Variants in FBLN7 observed in about 807,000 individuals in gnomAD.
FBLN7 encodes fibulin-7.
FBLN7 carries 31 observed loss-of-function variants against 44.0 expected under a neutral mutation model. That is an observed-to-expected ratio of 0.70 (90% CI 0.53 to 0.95). The LOEUF is 0.95. Ranked by LOEUF, FBLN7 falls within the 40% of genes least tolerant of loss-of-function variation. FBLN7 has a pLI of 0.00. For missense variants in FBLN7, 573 were observed against 618.5 expected (o/e 0.93, Z 0.78); for synonymous variants, 262 against 253.4 (o/e 1.03, Z -0.32).
the FBLN7 span, among the ~76,000 whole-genome samples, chr2:112,196,279 G>A: frequency 3.3e-5 from 5 of 151,550 alleles, no homozygotes; most frequent in Admixed American, 3.3e-4. Context: ...CTCTATCATT[G>A]ATGGGGAGAT....
At chr2:112,170,309 T>C (rs1176067400) in intron 3 of FBLN7, among the ~76,000 whole-genome samples, 2 of 151,146 alleles carry the variant, frequency 1.3e-5, no homozygotes, top group Non-Finnish European at 2.9e-5. Flanking sequence ...AGTGGATCAC[T>C]TGAGGTCAGG....
the FBLN7 span, among the ~76,000 whole-genome samples, chr2:112,194,198 A>G: frequency 9.2e-5 from 14 of 152,308 alleles, no homozygotes; most frequent in African/African-American, 3.4e-4. Flanking sequence ...TGGGCTCTCC[A>G]TGTGGCTTAG....
rs539876520 is a variant in FBLN7, at chr2:112,147,889, T to TG, written c.75+9165dup. The stretch of plus-strand genomic sequence containing the variant: ...TAGCATCATGATCCCGGGTCGTAGG[T>TG]GGGGGGTCTGCTGTGGCCAAAAAGA... On this transcript the variant is annotated intron_variant, in intron 1 of 7. Transcript: ENST00000331203. Among the ~76,000 whole-genome samples the TG allele has an allele frequency of 3.4e-3, 515 of 151,982 alleles. 1 individual carries two copies. The highest frequency in any genetic ancestry group is 6.9e-3 in the African/African-American group (287 of 41,438).
rs148298823 is a variant in FBLN7 at position 112,159,789 on chromosome 2, C to A, written c.189C>A (p.Ala63=). The A allele has an allele frequency of 2.5e-3, 3,939 of 1,595,406 alleles. 13 individuals carry two copies. Among genetic ancestry groups the A allele is most frequent in the Non-Finnish European group, 3.1e-3 (3,608 of 1,171,776 alleles). ...EGIRHMKSRL[A]ALQNSVGRVG... ...TCCGCCACATGAAGAGCCGGCTGGC[C>A]GCGCTGCAGAACTCTGTGGGCAGGG... The change falls in exon 2 of 8, where the codon GCC becomes GCA. Residue 63 remains alanine, a synonymous_variant. Transcript: ENST00000331203.
At chr2:112,194,805 G>A in the FBLN7 span, among the ~76,000 whole-genome samples, 3 of 152,176 alleles carry the variant, frequency 2.0e-5, no homozygotes, top group African/African-American at 7.2e-5. Flanking sequence ...TCCTTTGCAT[G>A]CATTCTTTTG....
At chr2:112,140,080 G>T in intron 1 of FBLN7, among the ~76,000 whole-genome samples, 1 of 100,502 alleles carries the variant, frequency 1.0e-5, no homozygotes, top group African/African-American at 4.2e-5. Flanking sequence ...CGTCCCTCCC[G>T]CCTCTCTCCA....
intron 1 of FBLN7, among the ~76,000 whole-genome samples, chr2:112,154,339 T>A (rs1681309564): frequency 6.6e-6 from 1 of 152,120 alleles, no homozygotes; most frequent in South Asian, 2.1e-4. Flanking sequence ...AGAAAAAGAT[T>A]TAAAACGGGG....
At chr2:112,217,687 G>A in the FBLN7 span, among the ~76,000 whole-genome samples, 3 of 152,142 alleles carry the variant, frequency 2.0e-5, no homozygotes, top group South Asian at 6.2e-4. Flanking sequence ...TTAGGTACAG[G>A]AAAGCTTTCA....
the FBLN7 span, chr2:112,215,880 A>T: frequency 6.6e-6 from 1 of 152,250 alleles, no homozygotes; most frequent in African/African-American, 2.4e-5. Flanking sequence ...TGGTATAGTA[A>T]GAGATATTGT....
the FBLN7 span, among the ~76,000 whole-genome samples, chr2:112,216,949 T>G: frequency 6.6e-6 from 1 of 152,164 alleles, no homozygotes; most frequent in Admixed American, 6.5e-5. Flanking sequence ...AAACATTTGG[T>G]AATTTCAACA....
intron 2 of FBLN7, among the ~76,000 whole-genome samples, chr2:112,163,682 G>A (rs867282860): frequency 6.6e-5 from 10 of 150,928 alleles, no homozygotes; most frequent in African/African-American, 1.2e-4. Context: ...CCTCTTGTAC[G>A]GGCACTTCAC....
At chr2:112,189,929 G>A (rs1210832438), downstream of FBLN7, 1 of 152,128 alleles carries the variant, frequency 6.6e-6, no homozygotes, top group Non-Finnish European at 1.5e-5. Context: ...ATTTCTCTGA[G>A]TGGCTTATAT....
intron 2 of FBLN7, among the ~76,000 whole-genome samples, chr2:112,162,826 G>A (rs755455893): frequency 6.6e-6 from 1 of 152,004 alleles, no homozygotes; most frequent in Non-Finnish European, 1.5e-5. Flanking sequence ...TTCTTTTGTC[G>A]AGGTTTTTAA....
the FBLN7 span, among the ~76,000 whole-genome samples, chr2:112,218,930 AAC>A: frequency 6.6e-6 from 1 of 152,316 alleles, no homozygotes; most frequent in East Asian, 1.9e-4. Context: ...GAAACTATAA[AAC>A]ACTGCTGAAA....
chr2:112,240,816 T>C, the FBLN7 span, among the ~76,000 whole-genome samples: 1 of 152,228 alleles, frequency 6.6e-6, no homozygotes, highest in African/African-American at 2.4e-5. Context: ...TTGTTTTTTG[T>C]ATAATTTAAA....
Position 112,175,824 on chromosome 2 carries a change from C to T in FBLN7, c.517C>T (p.His173Tyr), listed in dbSNP as rs1170863006. 5 of 1,613,978 alleles carry T rather than the reference C, an allele frequency of 3.1e-6. No individual in the cohort carries two copies. Among genetic ancestry groups the T allele is most frequent in the African/African-American group, 1.3e-5 (1 of 74,930 alleles). ...AGGAAGGACTGGGAACCGCTGTCAG[C>T]ATCAGGCCCAGACTGGTATGTAGCC... is the stretch of plus-strand genomic sequence containing the variant. ...PPGRTGNRCQHQAQTAAPEGS... is the reference protein window; with the variant it reads ...PPGRTGNRCQYQAQTAAPEGS... The change falls in exon 4 of 8, where the codon CAT becomes TAT. Residue 173 changes from histidine (H) to tyrosine (Y), a missense_variant. Coordinates refer to ENST00000331203, the MANE Select transcript of FBLN7 (RefSeq NM_153214.3).
At chr2:112,201,053 G>C in the FBLN7 span, among the ~76,000 whole-genome samples, 1 of 152,172 alleles carries the variant, frequency 6.6e-6, no homozygotes, top group Non-Finnish European at 1.5e-5. Flanking sequence ...GAATGTCAGG[G>C]AGGACAATTT....
chr2:112,181,744 C>A lies in FBLN7; in HGVS notation c.538C>A (p.Pro180Thr). ...AGCGTGTCTTCTCCCCGCAGCCGCC[C>A]CCGAGGGCAGCGTGGCCGGCGACTC... Reference protein sequence around the residue: ...RCQHQAQTAAPEGSVAGDSAF... With the variant: ...RCQHQAQTAATEGSVAGDSAF... The change falls in exon 5 of 8, where the codon CCC becomes ACC. Residue 180 changes from proline (P) to threonine (T), a missense_variant. Transcript: ENST00000331203. The A allele has an allele frequency of 7.2e-7, 1 of 1,392,660 alleles. No individual in the cohort carries two copies. The highest frequency in any genetic ancestry group is 1.6e-5 in the South Asian group (1 of 62,760). 86.3% of individuals were successfully genotyped at this position (1,392,660 alleles called of 1,614,324 possible).
At chr2:112,167,869 C>CGTTATGTTAT (rs137969881) in intron 3 of FBLN7, among the ~76,000 whole-genome samples, 5,823 of 132,736 alleles carry the variant, frequency 0.044, 205 homozygotes, top group Admixed American at 0.078. Context: ...AGGAAAGACA[C>CGTTATGTTAT]GTTATGTTAT....
Sources: allele counts gnomAD v4.1 joint callset (sites outside exome capture counted in the v4.1 genomes callset), GRCh38; gene constraint gnomAD v4.1.1; transcripts MANE v1.5; gene names NCBI Gene and HGNC (gene_info 2026-07-23, HGNC 2026-07-21).